The following ZNF410 variants were observed in gnomAD, a reference collection of about 807,000 sequenced individuals.
The protein encoded by ZNF410 is another partner for ARF 1.
A neutral mutation model predicts 54.8 loss-of-function variants in ZNF410; 18 were observed. The observed-to-expected ratio is 0.33, with a 90% confidence interval of 0.23 to 0.49. ZNF410 has a LOEUF of 0.49. Among genes scored for constraint, ZNF410 ranks in the 20% least tolerant of loss-of-function variants. The pLI is 0.99. For synonymous variants in ZNF410, 191 were observed against 207.3 expected (o/e 0.92, Z 0.68); for missense variants, 405 against 569.6 (o/e 0.71, Z 2.94).
intron 11 of ZNF410, among the ~76,000 whole-genome samples, chr14:73,925,704 AG>A (rs926908698): frequency 1.3e-5 from 2 of 151,878 alleles, no homozygotes; most frequent in African/African-American, 4.8e-5. Flanking sequence ...CTGGGATTAC[AG>A]GTGTGAGCTG....
Position 73,932,159 on chromosome 14 carries a change from C to T in ZNF410, c.*618C>T, listed in dbSNP as rs2055926202. On this transcript the variant is annotated 3_prime_UTR_variant, in exon 12 of 12. Coordinates refer to ENST00000555044, the MANE Select transcript of ZNF410 (RefSeq NM_021188.3). ...TTCTACTTGGTCACTTTGCTTTCTT[C>T]GTTAATGGAACATACAGTAGCATGT... 5.5e-6 allele frequency: 2 copies of T among 366,528 alleles called. No homozygotes were observed. The highest frequency in any genetic ancestry group is 2.1e-5 in the South Asian group (1 of 48,484). The allele number at this position is 366,528 out of a possible 1,614,324, so 22.7% of individuals were successfully genotyped here.
At position 73,904,258 on chromosome 14, in the gene ZNF410, A is replaced by G. The variant is rs778044481; in HGVS notation, c.731+148A>G. ...AAGATATCTTTTTTTCTTTAATAGA[A>G]GGATTTGCATTGTCTCATTTATCTC... On this transcript the variant is annotated intron_variant, in intron 6 of 11. Transcript: ENST00000555044. 5.4e-5 allele frequency: 42 copies of G among 784,146 alleles called. No individual in the cohort carries two copies. The Middle Eastern group carries it at 1.1e-3, about 21-fold the overall frequency. The allele number at this position is 784,146 out of a possible 1,614,324, so 48.6% of individuals were successfully genotyped here.
intron 5 of ZNF410, chr14:73,898,625 AAC>A (rs2055359128): frequency 3.3e-6 from 1 of 305,192 alleles, no homozygotes; most frequent in South Asian, 1.2e-4. Flanking sequence ...ATGAAATCAA[AAC>A]AGTTTTTATC....
intron 11 of ZNF410, among the ~76,000 whole-genome samples, chr14:73,925,141 T>C (rs2055810667): frequency 1.1e-5 from 1 of 90,538 alleles, no homozygotes; most frequent in African/African-American, 3.1e-5. Flanking sequence ...GGACTTTTCT[T>C]TTTATTGTTG....
chr14:73,897,427 G>A (rs541022396), intron 4 of ZNF410, among the ~76,000 whole-genome samples: 1 of 152,276 alleles, frequency 6.6e-6, no homozygotes, highest in South Asian at 2.1e-4. Context: ...AATGCTGGCC[G>A]ATAGAGAGGA....
chr14:73,915,157 G>C (rs2055644560), intron 8 of ZNF410, among the ~76,000 whole-genome samples: 1 of 150,180 alleles, frequency 6.7e-6, no homozygotes, highest in African/African-American at 2.4e-5. Context: ...AGCTATTCAG[G>C]TGGCTGAGGC....
intron 8 of ZNF410, among the ~76,000 whole-genome samples, chr14:73,918,090 TA>T (rs2055696118): frequency 2.0e-5 from 3 of 152,184 alleles, no homozygotes; most frequent in Admixed American, 2.0e-4. Flanking sequence ...TTGTATTTTT[TA>T]TTGCTATATT....
intron 1 of ZNF410, chr14:73,887,140 C>T (rs1450625952): frequency 6.6e-6 from 1 of 152,624 alleles, no homozygotes; most frequent in African/African-American, 2.4e-5. Flanking sequence ...TGTTCTTGCT[C>T]CTTTGCTTGG....
intron 8 of ZNF410, among the ~76,000 whole-genome samples, chr14:73,917,771 C>T (rs35664804): frequency 0.11 from 17,184 of 152,018 alleles, 1,269 homozygotes; most frequent in Admixed American, 0.19. Flanking sequence ...TGCAGTGAAC[C>T]GAGATCATGC....
chr14:73,911,069 A>G (rs2055570533), intron 8 of ZNF410, among the ~76,000 whole-genome samples: 1 of 152,182 alleles, frequency 6.6e-6, no homozygotes, highest in Non-Finnish European at 1.5e-5. Flanking sequence ...GATTGAACCA[A>G]TTAGAATGAA....
At chr14:73,888,994 A>C (rs1465740222) in intron 1 of ZNF410, among the ~76,000 whole-genome samples, 1 of 152,246 alleles carries the variant, frequency 6.6e-6, no homozygotes, top group Non-Finnish European at 1.5e-5. Context: ...AAGATTATTG[A>C]AGTGAAAACA....
chr14:73,896,612 C>A (rs2055321954), intron 4 of ZNF410, 78 bp downstream of exon 4: 2 of 1,114,764 alleles, frequency 1.8e-6, no homozygotes, highest in South Asian at 1.4e-5. Context: ...CTTAGTCATA[C>A]TTAAAATAGA....
Position 73,932,353 on chromosome 14 carries a change from G to A in ZNF410, c.*812G>A, listed in dbSNP as rs554513909. On this transcript the variant is annotated 3_prime_UTR_variant, in exon 12 of 12. Transcript: ENST00000555044. The stretch of plus-strand genomic sequence containing the variant: ...ATTTAATCTTTCCCTTTAAAATAGT[G>A]TATTGATTTACCCTTAGGATTCCAT... The A allele has an allele frequency of 6.7e-4, 261 of 392,270 alleles. 1 individual carries two copies. The highest frequency in any genetic ancestry group is 2.2e-3 in the Admixed American group (57 of 26,368). The allele number at this position is 392,270 out of a possible 1,614,324, so 24.3% of individuals were successfully genotyped here. A position where few individuals can be genotyped will look rare whatever the true frequency, so the allele number is the denominator to read the frequency against.
chr14:73,911,801 A>G (rs931890298), intron 8 of ZNF410, among the ~76,000 whole-genome samples: 6 of 152,146 alleles, frequency 3.9e-5, no homozygotes, highest in Non-Finnish European at 5.9e-5. Flanking sequence ...ATATTTGGTT[A>G]TTAAGTCTTT....
rs374094910 is a variant in ZNF410, at chr14:73,898,278, A to G, written c.580+16A>G. 88 of 1,613,496 alleles carry G rather than the reference A, an allele frequency of 5.5e-5. No homozygotes were observed. Among genetic ancestry groups the G allele is most frequent in the Non-Finnish European group, 7.1e-5 (84 of 1,179,704 alleles). ...AGCAGCAATGGTGAGGCCCGTCGGC[A>G]TTTTCCTTGCCACTATTCTGTGCAA... On this transcript the variant is annotated intron_variant, in intron 5 of 11. Transcript: ENST00000555044.
chr14:73,913,777 C>A (rs1317908933), intron 8 of ZNF410: 1 of 150,704 alleles, frequency 6.6e-6, no homozygotes, highest in East Asian at 2.0e-4. Context: ...ACCACCACAT[C>A]TAGCTAATTT....
intron 3 of ZNF410, 50 bp downstream of exon 3, chr14:73,893,982 G>T (rs2055271868): frequency 6.4e-7 from 1 of 1,567,788 alleles, no homozygotes; most frequent in Non-Finnish European, 8.6e-7. Flanking sequence ...TAAGAGCTTA[G>T]CCTACTCTAT....
chr14:73,919,893 T>TG (rs1318064292), intron 8 of ZNF410, among the ~76,000 whole-genome samples: 94 of 139,944 alleles, frequency 6.7e-4, no homozygotes, highest in African/African-American at 2.7e-3. Context: ...TAGGTTTTTT[T>TG]TTTTTTTTTT....
chr14:73,927,856 T>TTTTTTG (rs1260477920), intron 11 of ZNF410: 2 of 154,136 alleles, frequency 1.3e-5, no homozygotes, highest in Non-Finnish European at 1.4e-5. Context: ...TTTAATTTTT[T>TTTTTTG]AGACGGAGTC....
Sources: gnomAD v4.1 joint callset for allele counts (sites outside exome capture counted in the v4.1 genomes callset) on GRCh38, gnomAD v4.1.1 for gene constraint, MANE v1.5 for transcripts, NCBI Gene and HGNC (gene_info 2026-07-23, HGNC 2026-07-21) for gene names.